The following POLR2F variants were observed in gnomAD, a reference collection of about 807,000 sequenced individuals.
The protein encoded by POLR2F is RNA polymerase II, I and III subunit F.
A neutral mutation model predicts 22.7 loss-of-function variants in POLR2F; 12 were observed. The ratio of observed to expected loss-of-function variants is 0.53; its 90% CI spans 0.34 to 0.86. POLR2F has a LOEUF of 0.86. POLR2F is among the 40% of genes least tolerant of loss of function. The pLI is 0.02. For synonymous variants in POLR2F, 57 were observed against 66.0 expected, an observed-to-expected ratio of 0.86 and a Z score of 0.66; for missense variants, 126 against 171.5, an observed-to-expected ratio of 0.73 and a Z score of 1.48.
downstream of POLR2F, chr22:37,972,405 C>A: frequency 2.6e-6 from 1 of 391,964 alleles, no homozygotes. Flanking sequence ...AGATAAATAA[C>A]AGGAGACAGT....
At chr22:38,010,383 T>A (rs576132832) in intron 1 of POLR2F, among the ~76,000 whole-genome samples, 1 of 147,492 alleles carries the variant, frequency 6.8e-6, no homozygotes, top group African/African-American at 2.5e-5. Context: ...AAAAAAAAAA[T>A]AAAGGAAAAG....
intron 1 of POLR2F, among the ~76,000 whole-genome samples, chr22:38,023,466 T>C (rs1218664885): frequency 6.6e-6 from 1 of 151,936 alleles, no homozygotes; most frequent in African/African-American, 2.4e-5. Flanking sequence ...TGTGGTAAAA[T>C]ATATGTAGCC....
rs755901181 is a variant in POLR2F, at chr22:37,968,616, A to G, written c.*901A>G. The G allele has an allele frequency of 1.6e-5, 16 of 985,446 alleles. No homozygotes were observed. The highest frequency in any genetic ancestry group is 1.9e-5 in the Non-Finnish European group (16 of 830,042). The allele number at this position is 985,446 out of a possible 1,614,324, so 61.0% of individuals were successfully genotyped here. ...CCACCCTGCTTACCCAACCTGAGGT[A>G]AGACCAGTCACACTGGCTCCTCCCT... On this transcript the variant is annotated 3_prime_UTR_variant, in exon 5 of 5. Transcript: ENST00000442738.
In POLR2F at chr22:37,986,827, G is replaced by A. The variant is rs1932595818; in HGVS notation, c.120+515G>A. 2 of 457,738 alleles carry A rather than the reference G, an allele frequency of 4.4e-6. No homozygotes were observed. The highest frequency in any genetic ancestry group is 3.2e-4 in the Middle Eastern group (1 of 3,084). 28.4% of individuals were successfully genotyped at this position (457,738 alleles called of 1,614,324 possible). A position where few individuals can be genotyped will look rare whatever the true frequency, so the allele number is the denominator to read the frequency against. On this transcript the variant is annotated intron_variant, in intron 1 of 2. Transcript: ENST00000333418. The surrounding 1 kb of genome is among the most constrained non-coding windows in gnomAD (Gnocchi z 4.7). ...TCCCCTCCATCCCATCCCAGGCCCTGGGAACCCAGTGCTCTCCAGCAGGCA... is the reference window on the plus strand; with the variant it reads ...TCCCCTCCATCCCATCCCAGGCCCTAGGAACCCAGTGCTCTCCAGCAGGCA...
At chr22:38,041,012 A>G (rs765478010) in intron 5 of POLR2F, 13 of 1,610,950 alleles carry the variant, frequency 8.1e-6, no homozygotes, top group Non-Finnish European at 1.0e-5. Flanking sequence ...CATTCATGTC[A>G]TCCTCAACAC....
chr22:38,013,196 A>C (rs1457587732), intron 1 of POLR2F, among the ~76,000 whole-genome samples: 2 of 150,450 alleles, frequency 1.3e-5, no homozygotes, highest in South Asian at 2.1e-4. Context: ...TCCAGGCTGG[A>C]GTGCAGTGGC....
chr22:37,986,126 C>A, upstream of POLR2F: 1 of 1,502,916 alleles, frequency 6.7e-7, no homozygotes, highest in Admixed American at 2.2e-5. The surrounding 1 kb of genome is among the most constrained non-coding windows in gnomAD (Gnocchi z 4.7). Context: ...GTGATTAACA[C>A]ACACACACAT....
chr22:38,038,735 C>A (rs1326188418), intron 5 of POLR2F, among the ~76,000 whole-genome samples: 7 of 151,980 alleles, frequency 4.6e-5, no homozygotes, highest in African/African-American at 1.4e-4. Context: ...TGTTCCCCTC[C>A]CTGCCCCTCT....
In POLR2F at chr22:38,016,989, C is replaced by T. The variant is rs981570561; in HGVS notation, c.121-8880C>T. On this transcript the variant is annotated intron_variant, in intron 1 of 2. Transcript: ENST00000333418. This position sits in a 1 kb window ranked among gnomAD's most constrained non-coding sequence, Gnocchi z 4.4. Reference sequence around the variant, plus strand: ...GCCAGGCCGGGGTGCCGGGGGGCAGCGCAAGGGGCCAGCCAGCCCCCCACC... The same window carrying T: ...GCCAGGCCGGGGTGCCGGGGGGCAGTGCAAGGGGCCAGCCAGCCCCCCACC... Among the ~76,000 whole-genome samples the T allele has an allele frequency of 1.3e-5, 2 of 152,114 alleles. No individual in the cohort carries two copies. Among genetic ancestry groups the T allele is most frequent in the Non-Finnish European group, 2.9e-5 (2 of 68,006 alleles).
intron 3 of POLR2F, among the ~76,000 whole-genome samples, chr22:37,961,603 C>T (rs376673416): frequency 2.0e-5 from 3 of 152,254 alleles, no homozygotes; most frequent in African/African-American, 7.2e-5. Flanking sequence ...CAGTGCAGGC[C>T]TTCAGATGCC....
chr22:37,973,560 C>A, downstream of POLR2F: 1 of 1,612,676 alleles, frequency 6.2e-7, no homozygotes. Context: ...GACTGGGGCC[C>A]TGAGGGGCTG....
chr22:38,000,231 T>TA (rs1276020023), intron 1 of POLR2F, among the ~76,000 whole-genome samples: 1 of 152,218 alleles, frequency 6.6e-6, no homozygotes, highest in African/African-American at 2.4e-5. Context: ...TCTGGCATGC[T>TA]AAAGCCTGAA....
chr22:37,992,490 G>T (rs147409260), intron 1 of POLR2F, among the ~76,000 whole-genome samples: 6 of 151,980 alleles, frequency 3.9e-5, no homozygotes, highest in Non-Finnish European at 8.8e-5. Context: ...TGGCTCCCAG[G>T]TTCAAGCAAT....
At chr22:38,020,431 A>ATTTT (rs753386178) in intron 1 of POLR2F, among the ~76,000 whole-genome samples, 16 of 128,446 alleles carry the variant, frequency 1.2e-4, no homozygotes, top group African/African-American at 4.1e-4. Flanking sequence ...CACCTGGCTA[A>ATTTT]TTTTTTTTTT....
intron 5 of POLR2F, chr22:38,033,173 G>T (rs987230172): frequency 6.5e-6 from 1 of 152,816 alleles, no homozygotes; most frequent in African/African-American, 2.4e-5. Context: ...AAAAAAGAAA[G>T]AAAAAAGAAA....
intron 1 of POLR2F, among the ~76,000 whole-genome samples, chr22:37,999,105 T>G (rs974782212): frequency 3.9e-5 from 6 of 152,092 alleles, no homozygotes; most frequent in Non-Finnish European, 8.8e-5. Flanking sequence ...GTGGGCCTGC[T>G]GGGCAGCTGG....
Position 38,006,542 on chromosome 22 carries a change from C to T in POLR2F, c.121-19327C>T, listed in dbSNP as rs1331489741. Among the ~76,000 whole-genome samples the T allele has an allele frequency of 2.0e-5, 3 of 152,344 alleles. No individual in the cohort carries two copies. In the East Asian group the frequency reaches 5.8e-4, roughly 29 times the overall value. On this transcript the variant is annotated intron_variant, in intron 1 of 2. Coordinates refer to the POLR2F transcript ENST00000333418. ...AGACGAGGCAGGTTCATCCCTTACT[C>T]TTGGAGCTGATACCTGCTCGCACTA...
At chr22:37,993,088 G>C (rs912065975) in intron 1 of POLR2F, among the ~76,000 whole-genome samples, 2 of 152,166 alleles carry the variant, frequency 1.3e-5, no homozygotes, top group African/African-American at 4.8e-5. Flanking sequence ...AGGAAGAGAG[G>C]GGGCAGAGGG....
chr22:37,983,606 T>A (rs1350814508), upstream of POLR2F: 1 of 1,607,348 alleles, frequency 6.2e-7, no homozygotes, highest in Admixed American at 1.7e-5. This position sits in a 1 kb window ranked among gnomAD's most constrained non-coding sequence, Gnocchi z 9.5. Context: ...CGCCTCGCCG[T>A]CCTGCTGCTC....
Sources: gnomAD v4.1 joint callset for allele counts (sites outside exome capture counted in the v4.1 genomes callset) on GRCh38, gnomAD v4.1.1 for gene constraint, Gnocchi (gnomAD v3.1) non-coding constraint, MANE v1.5 for transcripts, NCBI Gene and HGNC (gene_info 2026-07-23, HGNC 2026-07-21) for gene names.